Variants in ADGRL2 observed in about 807,000 individuals in gnomAD.
ADGRL2 encodes the protein adhesion G protein-coupled receptor L2, also known as calcium-independent alpha-latrotoxin receptor 2.
A neutral mutation model predicts 157.4 loss-of-function variants in ADGRL2; 44 were observed. The ratio of observed to expected loss-of-function variants is 0.28; its 90% CI spans 0.22 to 0.36. ADGRL2 has a LOEUF of 0.36. ADGRL2 is among the 10% of genes least tolerant of loss of function. The pLI is 1.00. For missense variants in ADGRL2, 1,510 were observed against 1,768.9 expected (o/e 0.85, Z 2.63); for synonymous variants, 585 against 624.7 (o/e 0.94, Z 0.95).
rs565470160 is a variant in ADGRL2, at chr1:81,703,309, G to A, written c.-143+3501G>A. Reference sequence around the variant, plus strand: ...GGAGATTTGAGCATGTTTGCAGAAGGGAAGAAATTAGTGGAGCAGGGGCAA... The same window carrying A: ...GGAGATTTGAGCATGTTTGCAGAAGAGAAGAAATTAGTGGAGCAGGGGCAA... On this transcript the variant is annotated intron_variant, in intron 1 of 20. Transcript: ENST00000359929. Among the ~76,000 whole-genome samples, 25 of 152,322 alleles carry A rather than the reference G, an allele frequency of 1.6e-4. No individual in the cohort carries two copies. In the South Asian group the frequency reaches 5.2e-3, roughly 32 times the overall value.
At chr1:81,819,655 T>C (rs951691387) in intron 1 of ADGRL2, among the ~76,000 whole-genome samples, 1 of 152,146 alleles carries the variant, frequency 6.6e-6, no homozygotes, top group Non-Finnish European at 1.5e-5. Context: ...TTTTTATTTG[T>C]ATTTTAGATG....
chr1:81,325,404 A>G (rs1022932118), intron 1 of ADGRL2, among the ~76,000 whole-genome samples: 2 of 152,198 alleles, frequency 1.3e-5, no homozygotes, highest in Non-Finnish European at 2.9e-5. Flanking sequence ...AATTTCAGCT[A>G]TAAAGTTTTA....
chr1:81,344,252 C>A (rs1218457563), intron 1 of ADGRL2, among the ~76,000 whole-genome samples: 1 of 152,080 alleles, frequency 6.6e-6, no homozygotes. Context: ...TCTATGATAG[C>A]ACATTTGTAG....
chr1:81,956,317 G>A (rs1295732432), intron 11 of ADGRL2, among the ~76,000 whole-genome samples: 2 of 152,178 alleles, frequency 1.3e-5, no homozygotes, highest in East Asian at 3.8e-4. Context: ...AAAAGTGTAA[G>A]AGTGCCTAAA....
At chr1:81,308,672 T>C (rs887496429) in intron 1 of ADGRL2, among the ~76,000 whole-genome samples, 1 of 152,226 alleles carries the variant, frequency 6.6e-6, no homozygotes, top group Non-Finnish European at 1.5e-5. Context: ...CACACCATCA[T>C]TTCACAGAGA....
chr1:81,344,518 A>C (rs2100787056), intron 1 of ADGRL2, among the ~76,000 whole-genome samples: 1 of 152,054 alleles, frequency 6.6e-6, no homozygotes, highest in Admixed American at 6.6e-5. Flanking sequence ...CTCTACTAAA[A>C]ATACAAAATT....
rs530606932 is a variant in ADGRL2 at position 81,478,939 on chromosome 1, T to C, written c.-248+33850T>C. Among the ~76,000 whole-genome samples the C allele has an allele frequency of 2.6e-5, 4 of 152,220 alleles. No homozygotes were observed. In the South Asian group the frequency reaches 6.2e-4, roughly 24 times the overall value. On this transcript the variant is annotated intron_variant, in intron 2 of 24. Transcript: ENST00000370721. ...TTCTCAATAACTCAGGGTGCTAATA[T>C]CCAAGACTGCACAGTGAGCTACAAG... is the stretch of plus-strand genomic sequence containing the variant.
intron 2 of ADGRL2, among the ~76,000 whole-genome samples, chr1:81,867,685 A>G (rs2093581900): frequency 6.6e-6 from 1 of 152,210 alleles, no homozygotes; most frequent in Non-Finnish European, 1.5e-5. Flanking sequence ...TACCTAAATG[A>G]AATAAATTTA....
intron 2 of ADGRL2, among the ~76,000 whole-genome samples, chr1:81,544,640 A>G (rs2079968953): frequency 6.6e-6 from 1 of 152,138 alleles, no homozygotes; most frequent in South Asian, 2.1e-4. Flanking sequence ...ATAATGTCCT[A>G]ATTAATTTCC....
At chr1:81,554,814 A>G (rs1045602815) in intron 2 of ADGRL2, among the ~76,000 whole-genome samples, 1 of 152,112 alleles carries the variant, frequency 6.6e-6, no homozygotes, top group African/African-American at 2.4e-5. Context: ...TCACAGGTCC[A>G]TGTTCCAGAT....
At chr1:81,662,941 TG>T (rs1483636023) in intron 3 of ADGRL2, among the ~76,000 whole-genome samples, 3 of 152,004 alleles carry the variant, frequency 2.0e-5, no homozygotes, top group Admixed American at 2.0e-4. Flanking sequence ...GTAATGGTGG[TG>T]TTGAGGTTCA....
intron 17 of ADGRL2, 120 bp from the exon 18 acceptor site, chr1:81,979,748 GC>G: frequency 1.7e-6 from 1 of 596,220 alleles, no homozygotes; most frequent in Non-Finnish European, 3.0e-6. Context: ...CTTGATCATT[GC>G]ATACATAAAA....
intron 10 of ADGRL2, 127 bp from the exon 11 acceptor site, chr1:81,955,750 C>T: frequency 1.7e-6 from 1 of 593,384 alleles, no homozygotes; most frequent in East Asian, 3.0e-5. Flanking sequence ...TCTAGGTGTT[C>T]TTCCATCTTG....
At chr1:81,596,235 A>C (rs2081230725) in intron 3 of ADGRL2, 1 of 580,438 alleles carries the variant, frequency 1.7e-6, no homozygotes, top group Non-Finnish European at 3.3e-6. Context: ...AGGACTGTGC[A>C]AGTCAATGAG....
chr1:81,608,775 C>T (rs1465137904), intron 3 of ADGRL2, among the ~76,000 whole-genome samples: 1 of 152,174 alleles, frequency 6.6e-6, no homozygotes, highest in African/African-American at 2.4e-5. Context: ...TCTATGCACC[C>T]ATTCCTCATT....
At chr1:81,739,841 C>G (rs998133237) in intron 1 of ADGRL2, among the ~76,000 whole-genome samples, 2 of 152,182 alleles carry the variant, frequency 1.3e-5, no homozygotes, top group Admixed American at 6.5e-5. Context: ...CCTTAGCATG[C>G]CTAGGTCCTT....
At chr1:81,901,505 A>G (rs2094485866) in intron 2 of ADGRL2, among the ~76,000 whole-genome samples, 1 of 152,044 alleles carries the variant, frequency 6.6e-6, no homozygotes, top group South Asian at 2.1e-4. Context: ...TAAAAAGTTT[A>G]CTAGGTGATT....
At chr1:81,819,788 C>G (rs1265217586) in intron 1 of ADGRL2, among the ~76,000 whole-genome samples, 1 of 152,040 alleles carries the variant, frequency 6.6e-6, no homozygotes, top group Non-Finnish European at 1.5e-5. Context: ...TTGTTCAGGG[C>G]CATTTTAGTA....
chr1:81,323,199 T>A (rs1359017960), intron 1 of ADGRL2, among the ~76,000 whole-genome samples: 1 of 151,996 alleles, frequency 6.6e-6, no homozygotes, highest in Non-Finnish European at 1.5e-5. Flanking sequence ...GCACTGTGCT[T>A]ATGTATAACA....
Sources: gnomAD v4.1 joint callset for allele counts (sites outside exome capture counted in the v4.1 genomes callset) on GRCh38, gnomAD v4.1.1 for gene constraint, MANE v1.5 for transcripts, NCBI Gene and HGNC (gene_info 2026-07-23, HGNC 2026-07-21) for gene names.